Variants in ATE1 observed in about 807,000 individuals in gnomAD.
The protein encoded by ATE1 is arginyltransferase 1, also known as arginyl-tRNA--protein transferase 1.
ATE1 carries 36 observed loss-of-function variants against 70.5 expected under a neutral mutation model. The ratio of observed to expected loss-of-function variants is 0.51; its 90% CI spans 0.39 to 0.67. The LOEUF is 0.67. Among genes scored for constraint, ATE1 ranks in the 30% least tolerant of loss-of-function variants. The pLI is 0.00. For missense variants in ATE1, 593 were observed against 629.5 expected (o/e 0.94, Z 0.62); for synonymous variants, 232 against 219.3 (o/e 1.06, Z -0.51).
intron 10 of ATE1, among the ~76,000 whole-genome samples, chr10:121,792,389 T>G (rs1025117045): frequency 1.3e-5 from 2 of 152,140 alleles, no homozygotes; most frequent in African/African-American, 2.4e-5. Flanking sequence ...TTTGTTCTAT[T>G]CCAATAGGAG....
intron 7 of ATE1, among the ~76,000 whole-genome samples, chr10:121,876,769 A>C (rs1246902283): frequency 2.0e-5 from 3 of 152,160 alleles, no homozygotes; most frequent in Non-Finnish European, 4.4e-5. Context: ...GATCGAGACC[A>C]TCCTGGGTAA....
Position 121,743,465 on chromosome 10 carries a change from G to A in ATE1, c.*215C>T, listed in dbSNP as rs1406959305. 2.2e-6 allele frequency: 2 copies of A among 891,610 alleles called. No homozygotes were observed. Among genetic ancestry groups the A allele is most frequent in the Non-Finnish European group, 2.9e-6 (2 of 684,076 alleles). The allele number at this position is 891,610 out of a possible 1,614,324, so 55.2% of individuals were successfully genotyped here. ...TCCAAAATGATAAATCCCAATTATG[G>A]GGGCTAGGTCATAATGCAGTTTTAA... is the stretch of plus-strand genomic sequence containing the variant. On this transcript the variant is annotated 3_prime_UTR_variant, in exon 12 of 12. Transcript: ENST00000224652.
intron 8 of ATE1, among the ~76,000 whole-genome samples, chr10:121,859,096 CA>C (rs1564902596): frequency 6.7e-6 from 1 of 149,006 alleles, no homozygotes; most frequent in South Asian, 2.1e-4. Flanking sequence ...ACTCCGTCTC[CA>C]AAAAAAAGAA....
intron 11 of ATE1, among the ~76,000 whole-genome samples, chr10:121,786,563 A>C (rs1046501834): frequency 7.2e-5 from 11 of 151,946 alleles, no homozygotes; most frequent in African/African-American, 1.2e-4. Context: ...CAGCTACTTA[A>C]GAGACTGAGG....
chr10:121,899,836 G>T, intron 7 of ATE1, 30 bp downstream of exon 7: 1 of 1,601,946 alleles, frequency 6.2e-7, no homozygotes, highest in Non-Finnish European at 8.5e-7. Flanking sequence ...AGCTCTGTTT[G>T]CACAGGAAAA....
chr10:121,785,091 C>T (rs2420964), intron 11 of ATE1, among the ~76,000 whole-genome samples: 144,502 of 152,188 alleles, frequency 0.95, 68,800 homozygotes, highest in Non-Finnish European at 0.98. Context: ...CAAGCACCAC[C>T]ATCTTTATTG....
chr10:121,752,421 G>C (rs925014392), intron 11 of ATE1, among the ~76,000 whole-genome samples: 1 of 151,620 alleles, frequency 6.6e-6, no homozygotes, highest in African/African-American at 2.4e-5. Flanking sequence ...AGTAGACACA[G>C]GGTTTCACCA....
rs754757293 is a variant in ATE1 at position 121,902,417 on chromosome 10, G to C, written c.787C>G (p.Pro263Ala). ...SLEDLIFESL[P>A]ENASHKLEVR... ...TCTAACTTGTGTGATGCATTCTCTG[G>C]TAAAGACTCAAAAATTAAATCTTCG... Residue 263 changes from proline (P) to alanine (A), a missense_variant, in exon 6 of 12, where the codon CCA (proline) becomes GCA (alanine). Around this residue, in one of 3 missense-constraint regions of ATE1, gnomAD observed 467 missense variants for 469.6 expected, o/e 0.99. Transcript: ENST00000224652. 6.2e-7 allele frequency: 1 copy of C among 1,614,118 alleles called. No homozygotes were observed. Among genetic ancestry groups the C allele is most frequent in the South Asian group, 1.1e-5 (1 of 91,078 alleles).
At chr10:121,785,628 C>A (rs1033735628) in intron 11 of ATE1, among the ~76,000 whole-genome samples, 1 of 152,108 alleles carries the variant, frequency 6.6e-6, no homozygotes, top group African/African-American at 2.4e-5. Flanking sequence ...CTTTAAACAG[C>A]AAAAACACAA....
intron 11 of ATE1, among the ~76,000 whole-genome samples, chr10:121,781,815 G>A (rs1001727768): frequency 1.3e-5 from 2 of 152,162 alleles, no homozygotes; most frequent in Admixed American, 6.5e-5. Context: ...TATATTATCA[G>A]TGAAAGATGC....
At chr10:121,922,925 C>T (rs544998437) in intron 2 of ATE1, among the ~76,000 whole-genome samples, 2 of 152,258 alleles carry the variant, frequency 1.3e-5, no homozygotes, top group Admixed American at 6.5e-5. Context: ...CCCTGGAATT[C>T]ACCTCTATAT....
intron 7 of ATE1, among the ~76,000 whole-genome samples, chr10:121,879,082 AATTCAGCTAACAAATGGCAAAAAGT>A (rs1211272207): frequency 1.4e-4 from 21 of 152,222 alleles, no homozygotes; most frequent in African/African-American, 5.1e-4. Flanking sequence ...GATACTGAAA[AATTCAGCTAACAAATGGCAAAAAGT>A]ATAGGTGGGG....
intron 10 of ATE1, among the ~76,000 whole-genome samples, chr10:121,822,758 AT>A (rs1163399020): frequency 6.6e-6 from 1 of 152,046 alleles, no homozygotes; most frequent in Admixed American, 6.6e-5. Context: ...CCCAAAAAAA[AT>A]TTTTTTTAAT....
chr10:121,882,302 G>A (rs967976863), intron 7 of ATE1, among the ~76,000 whole-genome samples: 1 of 152,096 alleles, frequency 6.6e-6, no homozygotes, highest in African/African-American at 2.4e-5. Flanking sequence ...AAACAACCAA[G>A]AAAAATAAAA....
At chr10:121,813,572 G>A (rs181389373) in intron 10 of ATE1, among the ~76,000 whole-genome samples, 167 of 152,316 alleles carry the variant, frequency 1.1e-3, no homozygotes, top group Middle Eastern at 0.01. Context: ...TTACAGGGAG[G>A]CCCATAAGGA....
chr10:121,811,066 A>G (rs1947301247), intron 10 of ATE1, among the ~76,000 whole-genome samples: 1 of 152,254 alleles, frequency 6.6e-6, no homozygotes, highest in Non-Finnish European at 1.5e-5. Context: ...GTCGAATGAC[A>G]AAACTGGAAT....
At chr10:121,884,136 T>C (rs377184695) in intron 7 of ATE1, among the ~76,000 whole-genome samples, 46 of 131,196 alleles carry the variant, frequency 3.5e-4, no homozygotes, top group African/African-American at 1.2e-3. Context: ...AAAAAAGCAC[T>C]GCAATTTCAG....
chr10:121,831,517 C>T (rs1197443865), intron 10 of ATE1, among the ~76,000 whole-genome samples: 2 of 152,120 alleles, frequency 1.3e-5, no homozygotes, highest in East Asian at 3.9e-4. Context: ...CTGTCAGCTC[C>T]GCAAGTCAGG....
chr10:121,847,136 T>C (rs1948855468), intron 8 of ATE1, among the ~76,000 whole-genome samples: 1 of 152,168 alleles, frequency 6.6e-6, no homozygotes, highest in Admixed American at 6.5e-5. Flanking sequence ...CTGATAGGAA[T>C]GAGACTACCT....
Sources: gnomAD v4.1 joint callset for allele counts (sites outside exome capture counted in the v4.1 genomes callset) on GRCh38, gnomAD v4.1.1 for gene constraint, gnomAD v4.1.1 regional missense constraint, MANE v1.5 for transcripts, NCBI Gene and HGNC (gene_info 2026-07-23, HGNC 2026-07-21) for gene names.